Variants in NEK1 observed in about 807,000 individuals in gnomAD.
NEK1 encodes NIMA related kinase 1.
A neutral mutation model predicts 182.1 loss-of-function variants in NEK1; 137 were observed. The ratio of observed to expected loss-of-function variants is 0.75; its 90% CI spans 0.65 to 0.87. NEK1 has a LOEUF of 0.87. Among genes scored for constraint, NEK1 ranks in the 40% least tolerant of loss-of-function variants. The pLI is 0.00. For missense variants in NEK1, 1,391 were observed against 1,494.4 expected, an observed-to-expected ratio of 0.93 and a Z score of 1.14; for synonymous variants, 513 against 492.2, an observed-to-expected ratio of 1.04 and a Z score of -0.56.
At chr4:169,514,577 T>C (rs1360929933) in intron 19 of NEK1, among the ~76,000 whole-genome samples, 2 of 152,252 alleles carry the variant, frequency 1.3e-5, no homozygotes, top group East Asian at 3.8e-4. Context: ...GATATCTGTT[T>C]CAACTTGGCT....
chr4:169,546,739 T>A (rs914667241), intron 18 of NEK1, among the ~76,000 whole-genome samples: 16 of 152,190 alleles, frequency 1.1e-4, no homozygotes, highest in African/African-American at 3.6e-4. Flanking sequence ...ATGCCCTTCT[T>A]TGTCTCGTTT....
intron 27 of NEK1, among the ~76,000 whole-genome samples, chr4:169,447,724 C>G (rs1321489340): frequency 2.6e-5 from 4 of 152,026 alleles, no homozygotes; most frequent in Non-Finnish European, 5.9e-5. Context: ...AAAAAATTAG[C>G]CAGGTGTGGT....
chr4:169,488,785 C>T (rs986731871), intron 23 of NEK1, among the ~76,000 whole-genome samples: 3 of 152,110 alleles, frequency 2.0e-5, no homozygotes, highest in Non-Finnish European at 4.4e-5. Flanking sequence ...GATATATGAA[C>T]ACTACCCCCC....
chr4:169,452,462 A>C (rs528937480), intron 27 of NEK1, among the ~76,000 whole-genome samples: 2 of 152,340 alleles, frequency 1.3e-5, no homozygotes, highest in East Asian at 3.9e-4. Context: ...AAGCTTATCC[A>C]CCATGATCAA....
chr4:169,521,115 G>A (rs1469769099), intron 19 of NEK1, among the ~76,000 whole-genome samples: 1 of 74,748 alleles, frequency 1.3e-5, no homozygotes, highest in Non-Finnish European at 2.7e-5. Context: ...CCTCGTTGCC[G>A]CCTTGCAGTT....
chr4:169,446,890 TAGTC>T (rs1414322976), intron 27 of NEK1, among the ~76,000 whole-genome samples: 2 of 151,922 alleles, frequency 1.3e-5, no homozygotes, highest in South Asian at 2.1e-4. Context: ...TGAAAATACA[TAGTC>T]AGAGGAGACA....
intron 31 of NEK1, among the ~76,000 whole-genome samples, chr4:169,407,258 T>G (rs1732811790): frequency 6.6e-6 from 1 of 152,194 alleles, no homozygotes. Flanking sequence ...CTTGCCCAAA[T>G]GCTGCAGCAT....
At chr4:169,504,758 T>C (rs1239762505) in intron 23 of NEK1, among the ~76,000 whole-genome samples, 2 of 152,216 alleles carry the variant, frequency 1.3e-5, no homozygotes, top group East Asian at 3.8e-4. Flanking sequence ...AAAGTGGGAA[T>C]GGTTAATGGG....
intron 27 of NEK1, among the ~76,000 whole-genome samples, chr4:169,445,865 T>TATACACAC (rs569539235): frequency 4.2e-5 from 6 of 143,278 alleles, no homozygotes; most frequent in Admixed American, 1.4e-4. Context: ...TATATATATA[T>TATACACAC]ACACACACAC....
intron 18 of NEK1, among the ~76,000 whole-genome samples, chr4:169,545,604 T>C (rs1760290885): frequency 6.7e-6 from 1 of 148,192 alleles, no homozygotes; most frequent in African/African-American, 2.5e-5. Context: ...TTTCTAGTTC[T>C]AGATCCCTGA....
At chr4:169,594,487 A>G (rs1769100209) in intron 5 of NEK1, among the ~76,000 whole-genome samples, 2 of 152,250 alleles carry the variant, frequency 1.3e-5, no homozygotes, top group South Asian at 4.1e-4. Context: ...AATTTGCTCA[A>G]AGAGTAGATA....
chr4:169,585,411 C>G lies in NEK1; in HGVS notation c.745G>C (p.Val249Leu). 6.2e-7 allele frequency: 1 copy of G among 1,613,696 alleles called. No homozygotes were observed. The highest frequency in any genetic ancestry group is 8.5e-7 in the Non-Finnish European group (1 of 1,179,706). The change falls in exon 10 of 36, where the codon GTC (valine) becomes CTC (leucine). Residue 249 changes from valine to leucine, a missense_variant. Val to Leu is a conservative substitution (Grantham distance 32, BLOSUM62 1). Coordinates refer to ENST00000507142, the MANE Select transcript of NEK1 (RefSeq NM_001199397.3). ...AAACCTTTCTCCAATATGGAGTTGACTGATGGTCTATCCCTAGGATTTCTT... is the reference window on the plus strand; with the variant it reads ...AAACCTTTCTCCAATATGGAGTTGAGTGATGGTCTATCCCTAGGATTTCTT... ...FKRNPRDRPSVNSILEKGFIA... is the reference protein window; with the variant it reads ...FKRNPRDRPSLNSILEKGFIA...
chr4:169,449,718 G>T (rs1374649010), intron 27 of NEK1, among the ~76,000 whole-genome samples: 2 of 152,186 alleles, frequency 1.3e-5, no homozygotes, highest in Non-Finnish European at 2.9e-5. Flanking sequence ...CAAAGATGGG[G>T]AGAAACCAAA....
chr4:169,561,663 A>T, intron 15 of NEK1, 24 bp downstream of exon 15: 1 of 1,568,536 alleles, frequency 6.4e-7, no homozygotes, highest in Non-Finnish European at 8.7e-7. Flanking sequence ...AGAAAAAAGT[A>T]TATTTAATAG....
intron 19 of NEK1, among the ~76,000 whole-genome samples, chr4:169,529,218 T>A (rs1283236393): frequency 6.6e-6 from 1 of 152,062 alleles, no homozygotes; most frequent in East Asian, 1.9e-4. Context: ...AAACAAGACA[T>A]CACAAATTGT....
intron 29 of NEK1, among the ~76,000 whole-genome samples, chr4:169,426,944 CTCACAA>C (rs1736503513): frequency 6.6e-6 from 1 of 151,852 alleles, no homozygotes; most frequent in African/African-American, 2.4e-5. Flanking sequence ...TAAAAAAGAA[CTCACAA>C]TTTTTATCTC....
rs548905532 is a variant in NEK1 at position 169,569,193 on chromosome 4, A to G, written c.1021-6997T>C. Among the ~76,000 whole-genome samples the G allele has an allele frequency of 1.1e-3, 174 of 152,306 alleles. 1 individual carries two copies. Among genetic ancestry groups the G allele is most frequent in the African/African-American group, 4.0e-3 (168 of 41,576 alleles). ...ATAAAGTCTCTATTTCAAGAATTAG[A>G]TATGTAGGTACAGAATCAATTTCAA... On this transcript the variant is annotated intron_variant, in intron 12 of 35. Coordinates refer to ENST00000507142, the MANE Select transcript of NEK1 (RefSeq NM_001199397.3).
chr4:169,431,374 G>A (rs181184146), intron 29 of NEK1, among the ~76,000 whole-genome samples: 46 of 152,120 alleles, frequency 3.0e-4, no homozygotes, highest in African/African-American at 1.1e-3. Context: ...CACATTAGTA[G>A]GAAGAAGCCT....
At chr4:169,449,971 G>A (rs1741380094) in intron 27 of NEK1, among the ~76,000 whole-genome samples, 2 of 152,226 alleles carry the variant, frequency 1.3e-5, no homozygotes, top group South Asian at 4.1e-4. Flanking sequence ...AAACAGTGTA[G>A]AGAAGAACTT....
Sources: allele counts gnomAD v4.1 joint callset (sites outside exome capture counted in the v4.1 genomes callset), GRCh38; gene constraint gnomAD v4.1.1; transcripts MANE v1.5; gene names NCBI Gene and HGNC (gene_info 2026-07-23, HGNC 2026-07-21).